KIAA1217: variants seen among roughly 807,000 people sequenced by gnomAD.
KIAA1217 encodes KIAA1217, also known as sickle tail protein homolog.
KIAA1217 carries 88 observed loss-of-function variants against 163.9 expected under a neutral mutation model. The ratio of observed to expected loss-of-function variants is 0.54; its 90% CI spans 0.45 to 0.64. The LOEUF is 0.64. Among genes scored for constraint, KIAA1217 ranks in the 30% least tolerant of loss-of-function variants. The pLI, the probability that KIAA1217 is intolerant of heterozygous loss-of-function variation, is 0.00. For missense variants in KIAA1217, 2,372 were observed against 2,475.0 expected (o/e 0.96, Z 0.88); for synonymous variants, 903 against 923.1 (o/e 0.98, Z 0.39).
intron 1 of KIAA1217, among the ~76,000 whole-genome samples, chr10:24,216,601 C>T (rs974796932): frequency 6.6e-6 from 1 of 151,706 alleles, no homozygotes; most frequent in Non-Finnish European, 1.5e-5. Flanking sequence ...CTGAGGTGGG[C>T]AGATCACTTG....
intron 5 of KIAA1217, among the ~76,000 whole-genome samples, chr10:24,448,000 C>T (rs1308033158): frequency 1.3e-5 from 2 of 151,868 alleles, no homozygotes; most frequent in Non-Finnish European, 2.9e-5. Context: ...TGTGGTGGCG[C>T]GTGCCTATAG....
chr10:24,279,263 T>TA (rs2077641411), intron 2 of KIAA1217, among the ~76,000 whole-genome samples: 2 of 22,010 alleles, frequency 9.1e-5, no homozygotes, highest in African/African-American at 8.1e-4. Flanking sequence ...GTGGTGGTGG[T>TA]GTTTTTGTTT....
At chr10:23,847,463 A>G (rs1440775511) in intron 1 of KIAA1217, among the ~76,000 whole-genome samples, 7 of 152,092 alleles carry the variant, frequency 4.6e-5, no homozygotes, top group Admixed American at 1.3e-4. Context: ...GGGAGGGTGT[A>G]TGTGTCCAGG....
At chr10:24,494,087 C>T (rs1272977568) in intron 6 of KIAA1217, among the ~76,000 whole-genome samples, 1 of 152,204 alleles carries the variant, frequency 6.6e-6, no homozygotes, top group African/African-American at 2.4e-5. Flanking sequence ...ACTCCGCAGC[C>T]TCCCAGCTGA....
chr10:23,756,281 A>C (rs1833916045), intron 1 of KIAA1217, among the ~76,000 whole-genome samples: 1 of 152,092 alleles, frequency 6.6e-6, no homozygotes, highest in Non-Finnish European at 1.5e-5. Flanking sequence ...ATTTTAAAGA[A>C]GTATAAGGTT....
chr10:23,915,207 CA>C (rs1479191495), intron 1 of KIAA1217, among the ~76,000 whole-genome samples: 1 of 152,056 alleles, frequency 6.6e-6, no homozygotes, highest in Non-Finnish European at 1.5e-5. Context: ...GTCAATGCTA[CA>C]AAGAGGTCAT....
At chr10:24,011,743 C>T (rs1021710871) in intron 2 of KIAA1217, among the ~76,000 whole-genome samples, 1 of 152,148 alleles carries the variant, frequency 6.6e-6, no homozygotes, top group Non-Finnish European at 1.5e-5. Context: ...CTCACTGAAA[C>T]AGTTCTGTTC....
rs193062002 is a variant in KIAA1217, at chr10:24,242,266, G to A, written c.354+22357G>A. On this transcript the variant is annotated intron_variant, in intron 2 of 20. Coordinates refer to ENST00000376454, the MANE Select transcript of KIAA1217 (RefSeq NM_019590.5). ...TCCCACCTCCATCCCCACTCTAGTA[G>A]TCCCCAGTGTATTTTGTTCCCATGT... 1.1e-3 allele frequency among the ~76,000 whole-genome samples: 173 copies of A among 152,248 alleles called. 2 individuals are homozygous for A. Among genetic ancestry groups the A allele is most frequent in the Admixed American group, 9.2e-3 (140 of 15,274 alleles).
intron 2 of KIAA1217, among the ~76,000 whole-genome samples, chr10:24,320,066 A>G (rs2043939240): frequency 6.6e-6 from 1 of 152,212 alleles, no homozygotes; most frequent in African/African-American, 2.4e-5. Flanking sequence ...CATTAGGTAA[A>G]AGTGGATGGA....
intron 1 of KIAA1217, among the ~76,000 whole-genome samples, chr10:24,215,818 G>T (rs916146312): frequency 6.6e-6 from 1 of 152,186 alleles, no homozygotes; most frequent in African/African-American, 2.4e-5. Context: ...AGGAGAGCAG[G>T]TGCCTCGAGG....
intron 1 of KIAA1217, among the ~76,000 whole-genome samples, chr10:23,816,914 A>G (rs572082291): frequency 6.6e-6 from 1 of 152,294 alleles, no homozygotes; most frequent in East Asian, 1.9e-4. Flanking sequence ...AAAGAGAAGG[A>G]AGTGGAAAAA....
intron 2 of KIAA1217, among the ~76,000 whole-genome samples, chr10:24,103,873 T>C (rs1411641928): frequency 1.3e-5 from 2 of 152,152 alleles, no homozygotes; most frequent in African/African-American, 2.4e-5. Flanking sequence ...AATAGATAAA[T>C]AGTTCAGCCA....
chr10:24,417,028 G>C (rs753802538), intron 3 of KIAA1217, among the ~76,000 whole-genome samples: 1 of 152,106 alleles, frequency 6.6e-6, no homozygotes, highest in Non-Finnish European at 1.5e-5. Flanking sequence ...TAGGGAAGCT[G>C]ATCATTTCTA....
chr10:24,210,271 C>T (rs1004442207), intron 1 of KIAA1217, among the ~76,000 whole-genome samples: 1 of 152,158 alleles, frequency 6.6e-6, no homozygotes, highest in African/African-American at 2.4e-5. Flanking sequence ...GGAGAACTTA[C>T]AATGACAAGA....
chr10:23,942,643 G>A (rs77420780), intron 1 of KIAA1217, among the ~76,000 whole-genome samples: 2,944 of 152,164 alleles, frequency 0.019, 56 homozygotes, highest in Admixed American at 0.063. Context: ...CAAACACACA[G>A]TCTCTCTCAA....
intron 1 of KIAA1217, among the ~76,000 whole-genome samples, chr10:23,842,751 C>G (rs1278995384): frequency 1.3e-5 from 2 of 151,932 alleles, no homozygotes; most frequent in African/African-American, 4.8e-5. Flanking sequence ...TCTGTTGAGA[C>G]TATTTTAGGA....
Position 24,545,815 on chromosome 10 carries a change from C to G in KIAA1217, c.5335-12C>G. The G allele has an allele frequency of 6.4e-7, 1 of 1,568,624 alleles. No homozygotes were observed. Among genetic ancestry groups the G allele is most frequent in the Non-Finnish European group, 8.6e-7 (1 of 1,158,386 alleles). ...TTTCTGACAAAATGTCTCCCGCCAT[C>G]TTTATTTGCAGGCTAATGGAAGTGC... On this transcript the variant is annotated splice_polypyrimidine_tract_variant and intron_variant, in intron 20 of 20. Coordinates refer to ENST00000376454, the MANE Select transcript of KIAA1217 (RefSeq NM_019590.5).
intron 2 of KIAA1217, among the ~76,000 whole-genome samples, chr10:24,088,668 G>C (rs2131677348): frequency 8.1e-6 from 1 of 123,482 alleles, no homozygotes; most frequent in South Asian, 2.7e-4. Context: ...GTGTATATGT[G>C]CCACATTTTC....
rs1839970350 is a variant in KIAA1217, at chr10:23,861,914, T to A, written c.-320-145311T>A. Among the ~76,000 whole-genome samples, 3 of 152,210 alleles carry A rather than the reference T, an allele frequency of 2.0e-5. No individual in the cohort carries two copies. The South Asian group carries it at 6.2e-4, about 32-fold the overall frequency. ...CCAGGACTTCTGACCTACAGAACTA[T>A]GAGATAACAAATTGTGTTTTTTAAA... is the stretch of plus-strand genomic sequence containing the variant. On this transcript the variant is annotated intron_variant, in intron 1 of 18. Coordinates refer to the KIAA1217 transcript ENST00000376462.
Sources: allele counts gnomAD v4.1 joint callset (sites outside exome capture counted in the v4.1 genomes callset), GRCh38; gene constraint gnomAD v4.1.1; transcripts MANE v1.5; gene names NCBI Gene and HGNC (gene_info 2026-07-23, HGNC 2026-07-21).